FGD5: variants seen among roughly 807,000 people sequenced by gnomAD.
FGD5 encodes FYVE, RhoGEF and PH domain-containing protein 5.
FGD5 carries 28 observed loss-of-function variants against 133.4 expected under a neutral mutation model. That is an observed-to-expected ratio of 0.21 (90% CI 0.16 to 0.29). FGD5 has a LOEUF of 0.29. FGD5 is among the 10% of genes least tolerant of loss of function. The pLI, the probability that FGD5 is intolerant of heterozygous loss-of-function variation, is 1.00. For synonymous variants in FGD5, 810 were observed against 776.5 expected (o/e 1.04, Z -0.72); for missense variants, 1,858 against 1,895.2 (o/e 0.98, Z 0.36).
chr3:14,892,910 C>T (rs998176719), intron 4 of FGD5, among the ~76,000 whole-genome samples: 1 of 152,050 alleles, frequency 6.6e-6, no homozygotes, highest in African/African-American at 2.4e-5. Flanking sequence ...ATCAGGGAGA[C>T]AATCCAACAA....
intron 1 of FGD5, among the ~76,000 whole-genome samples, chr3:14,835,888 A>C (rs2036807345): frequency 6.6e-6 from 1 of 152,130 alleles, no homozygotes; most frequent in Admixed American, 6.5e-5. Context: ...GGTTCTTGGT[A>C]ATTGTTATTT....
chr3:14,831,875 G>A (rs73814190), intron 1 of FGD5, among the ~76,000 whole-genome samples: 1 of 152,116 alleles, frequency 6.6e-6, no homozygotes, highest in Non-Finnish European at 1.5e-5. Context: ...CTTCTTGTTC[G>A]CCTGTGTAGT....
chr3:14,867,949 C>A (rs564174635), intron 2 of FGD5, among the ~76,000 whole-genome samples: 1 of 151,962 alleles, frequency 6.6e-6, no homozygotes, highest in Non-Finnish European at 1.5e-5. Context: ...GAGGCCTACC[C>A]TTCCTGGATG....
intron 1 of FGD5, among the ~76,000 whole-genome samples, chr3:14,827,863 G>T (rs1226289945): frequency 1.3e-5 from 2 of 152,172 alleles, no homozygotes; most frequent in East Asian, 3.9e-4. Flanking sequence ...GATTCTACCC[G>T]CCCGGGGCAG....
chr3:14,836,407 T>A (rs2036818064), intron 1 of FGD5, among the ~76,000 whole-genome samples: 1 of 152,176 alleles, frequency 6.6e-6, no homozygotes, highest in African/African-American at 2.4e-5. Context: ...ATCAGAGAAC[T>A]TAGGCAGCTG....
At chr3:14,881,225 G>A (rs1426025466) in intron 4 of FGD5, among the ~76,000 whole-genome samples, 1 of 152,138 alleles carries the variant, frequency 6.6e-6, no homozygotes, top group African/African-American at 2.4e-5. Flanking sequence ...TTAGTGTCAG[G>A]GTGGTAGTGC....
intron 1 of FGD5, among the ~76,000 whole-genome samples, chr3:14,831,031 G>C (rs1218057711): frequency 7.9e-5 from 12 of 152,216 alleles, no homozygotes; most frequent in Admixed American, 7.9e-4. Flanking sequence ...ATCAGGGAAG[G>C]CTTCTCTGAA....
At chr3:14,810,917 G>A (rs1197352405) in intron 1 of FGD5, 7 of 984,952 alleles carry the variant, frequency 7.1e-6, no homozygotes, top group East Asian at 2.3e-4. Flanking sequence ...AGGGACCCCG[G>A]CCGGGCGCTC....
chr3:14,868,234 C>A (rs982745998), intron 2 of FGD5, among the ~76,000 whole-genome samples: 2 of 152,158 alleles, frequency 1.3e-5, no homozygotes, highest in African/African-American at 4.8e-5. Context: ...CCAGCTCCCC[C>A]GAGACCAGCC....
intron 1 of FGD5, among the ~76,000 whole-genome samples, chr3:14,828,364 G>A (rs17040336): frequency 0.012 from 1,845 of 152,202 alleles, 43 homozygotes; most frequent in African/African-American, 0.041. Context: ...AGGAGAGAAC[G>A]TACAAGAAAT....
At chr3:14,918,875 G>A (rs1199851622) in intron 13 of FGD5, 42 bp downstream of exon 13, 1 of 1,602,686 alleles carries the variant, frequency 6.2e-7, no homozygotes, top group Non-Finnish European at 8.5e-7. Context: ...AGGCAGAGGT[G>A]TGAGCATGGG....
rs769563385 is a variant in FGD5 at position 14,821,411 on chromosome 3, G to T, written c.2340G>T (p.Met780Ile). 9 of 1,614,004 alleles carry T rather than the reference G, an allele frequency of 5.6e-6. No individual in the cohort carries two copies. The highest frequency in any genetic ancestry group is 7.6e-6 in the Non-Finnish European group (9 of 1,179,896). The change falls in exon 1 of 20, where the codon ATG (methionine) becomes ATT (isoleucine). Residue 780 changes from methionine (M) to isoleucine (I), a missense_variant. By Grantham distance (10) the Met-to-Ile change is conservative. Transcript: ENST00000285046. ...DTSDYENIPAMNSDYENIQIP... is the reference protein window; with the variant it reads ...DTSDYENIPAINSDYENIQIP... ...CAGACTATGAGAACATTCCAGCCATGAACTCGGACTATGAGAATATCCAGA... is the reference window on the plus strand; with the variant it reads ...CAGACTATGAGAACATTCCAGCCATTAACTCGGACTATGAGAATATCCAGA...
intron 1 of FGD5, chr3:14,810,939 T>C (rs2036282541): frequency 1.0e-6 from 1 of 975,900 alleles, no homozygotes; most frequent in African/African-American, 1.8e-5. Context: ...AAGTTGGAGC[T>C]CCCGGGGAGC....
chr3:14,854,504 C>T (rs1489151484), intron 1 of FGD5, among the ~76,000 whole-genome samples: 1 of 151,868 alleles, frequency 6.6e-6, no homozygotes, highest in Non-Finnish European at 1.5e-5. Flanking sequence ...CAGCCTTGAC[C>T]TCCTGGGCTC....
At chr3:14,852,193 A>G (rs1174970947) in intron 1 of FGD5, among the ~76,000 whole-genome samples, 1 of 152,262 alleles carries the variant, frequency 6.6e-6, no homozygotes, top group African/African-American at 2.4e-5. Flanking sequence ...GAAACAATTC[A>G]AATGTCTATC....
chr3:14,847,883 C>T (rs985082606), intron 1 of FGD5, among the ~76,000 whole-genome samples: 4 of 152,130 alleles, frequency 2.6e-5, no homozygotes, highest in African/African-American at 7.2e-5. Context: ...TGCCTCCCCT[C>T]CTCTCTGAGC....
In FGD5 at chr3:14,819,737, C is replaced by A; in HGVS notation, c.666C>A (p.Ala222=). The A allele has an allele frequency of 6.5e-7, 1 of 1,536,214 alleles. No individual in the cohort carries two copies. The change falls in exon 1 of 20, where the codon GCC becomes GCA. Residue 222 remains alanine (A), a synonymous_variant. Coordinates refer to ENST00000285046, the MANE Select transcript of FGD5 (RefSeq NM_152536.4). This position sits in a 1 kb window ranked among gnomAD's most constrained non-coding sequence, Gnocchi z 4.1. The part of the protein sequence containing the change: ...EAEEDDEEGC[A]STDPAGADEG... ...AGGAGGATGATGAGGAAGGCTGTGC[C>A]AGCACAGACCCAGCAGGGGCAGATG...
At chr3:14,833,319 A>G (rs1430721588) in intron 1 of FGD5, among the ~76,000 whole-genome samples, 1 of 152,178 alleles carries the variant, frequency 6.6e-6, no homozygotes, top group Non-Finnish European at 1.5e-5. Context: ...AGAGCCCTGG[A>G]TAGGGCCCAA....
intron 1 of FGD5, among the ~76,000 whole-genome samples, chr3:14,853,303 G>T (rs966664327): frequency 2.6e-5 from 4 of 152,132 alleles, no homozygotes; most frequent in African/African-American, 9.7e-5. Flanking sequence ...GGAGTGGAGC[G>T]AATGTCTGAG....
Sources: allele counts gnomAD v4.1 joint callset (sites outside exome capture counted in the v4.1 genomes callset), GRCh38; gene constraint gnomAD v4.1.1; non-coding constraint Gnocchi (gnomAD v3.1); transcripts MANE v1.5; gene names NCBI Gene and HGNC (gene_info 2026-07-23, HGNC 2026-07-21).